Variants in MAP2K1 observed in about 807,000 individuals in gnomAD.
MAP2K1 encodes the protein mitogen-activated protein kinase kinase 1, also known as dual specificity mitogen-activated protein kinase kinase 1.
MAP2K1 carries 16 observed loss-of-function variants against 46.3 expected under a neutral mutation model. The ratio of observed to expected loss-of-function variants is 0.35; its 90% CI spans 0.23 to 0.52. The LOEUF is 0.52. Ranked by LOEUF, MAP2K1 falls within the 20% of genes least tolerant of loss-of-function variation. The probability of loss-of-function intolerance (pLI) is 0.94; values close to 1 mark genes in which losing one functional copy is unlikely to be tolerated. For missense variants in MAP2K1, 263 were observed against 497.1 expected, an observed-to-expected ratio of 0.53 and a Z score of 4.48; for synonymous variants, 183 against 185.6, an observed-to-expected ratio of 0.99 and a Z score of 0.11.
intron 1 of MAP2K1, among the ~76,000 whole-genome samples, chr15:66,416,027 A>G (rs2093423834): frequency 6.6e-6 from 1 of 152,162 alleles, no homozygotes; most frequent in Non-Finnish European, 1.5e-5. Flanking sequence ...ATTCTTTAGC[A>G]TGGTGTGCTG....
At chr15:66,416,427 A>G (rs1013052075) in intron 1 of MAP2K1, among the ~76,000 whole-genome samples, 5 of 151,408 alleles carry the variant, frequency 3.3e-5, no homozygotes, top group African/African-American at 9.7e-5. Context: ...TGTTGTCTTC[A>G]TAGCCTAGCC....
At chr15:66,427,928 C>T (rs984417337) in intron 1 of MAP2K1, among the ~76,000 whole-genome samples, 3 of 151,950 alleles carry the variant, frequency 2.0e-5, no homozygotes, top group African/African-American at 4.8e-5. Context: ...GCAGGAGAAT[C>T]GTTTGAACCC....
chr15:66,464,914 A>G (rs1237202466), intron 5 of MAP2K1, among the ~76,000 whole-genome samples: 1 of 151,870 alleles, frequency 6.6e-6, no homozygotes, highest in Non-Finnish European at 1.5e-5. Flanking sequence ...AAAACTAGGT[A>G]AGACTAGAAT....
At chr15:66,457,759 C>T (rs1184069049) in intron 5 of MAP2K1, among the ~76,000 whole-genome samples, 7 of 151,802 alleles carry the variant, frequency 4.6e-5, no homozygotes, top group African/African-American at 7.3e-5. Context: ...GTCAGGGGTT[C>T]GAGACCAGCC....
chr15:66,449,024 A>T, intron 5 of MAP2K1, among the ~76,000 whole-genome samples: 1 of 150,918 alleles, frequency 6.6e-6, no homozygotes, highest in East Asian at 1.9e-4. Flanking sequence ...AAAAAAAAAA[A>T]AAAACAACAA....
chr15:66,414,417 G>T (rs538946493), intron 1 of MAP2K1, among the ~76,000 whole-genome samples: 2 of 152,298 alleles, frequency 1.3e-5, no homozygotes, highest in African/African-American at 2.4e-5. Flanking sequence ...ATAGCAAAAA[G>T]GGTACAAATC....
intron 1 of MAP2K1, among the ~76,000 whole-genome samples, chr15:66,389,378 C>A (rs989451870): frequency 6.6e-6 from 1 of 152,156 alleles, no homozygotes; most frequent in Non-Finnish European, 1.5e-5. Flanking sequence ...TGTTATCATT[C>A]TGTTGTAATC....
At chr15:66,464,511 T>C (rs1013492073) in intron 5 of MAP2K1, among the ~76,000 whole-genome samples, 1 of 147,954 alleles carries the variant, frequency 6.8e-6, no homozygotes, top group Admixed American at 6.7e-5. Flanking sequence ...GGAAAAGAAA[T>C]TGAAAACATT....
intron 1 of MAP2K1, among the ~76,000 whole-genome samples, chr15:66,408,717 C>G (rs2093403975): frequency 6.6e-6 from 1 of 152,052 alleles, no homozygotes; most frequent in Non-Finnish European, 1.5e-5. Flanking sequence ...GGGTCCTGGC[C>G]TCTGCTCATA....
chr15:66,434,709 G>T (rs550303917), intron 1 of MAP2K1, among the ~76,000 whole-genome samples: 3 of 152,302 alleles, frequency 2.0e-5, no homozygotes, highest in Admixed American at 2.0e-4. Context: ...AGCAAATTAA[G>T]GTGGCTCATT....
At chr15:66,445,158 G>GGA (rs998979765) in intron 5 of MAP2K1, among the ~76,000 whole-genome samples, 2 of 42,868 alleles carry the variant, frequency 4.7e-5, no homozygotes, top group African/African-American at 9.3e-5. Context: ...GGGGGGAGGT[G>GGA]GGGGGGTGGA....
intron 1 of MAP2K1, among the ~76,000 whole-genome samples, chr15:66,419,173 C>T (rs756899105): frequency 6.6e-6 from 1 of 151,358 alleles, no homozygotes; most frequent in Non-Finnish European, 1.5e-5. Context: ...TCCCCCCTCT[C>T]CCTCCAAACT....
In MAP2K1 at chr15:66,391,999, G is replaced by T. The variant is rs1449184254; in HGVS notation, c.80+4572G>T. 3.3e-5 allele frequency among the ~76,000 whole-genome samples: 5 copies of T among 152,224 alleles called. No individual in the cohort carries two copies. In the East Asian group the frequency reaches 9.6e-4, roughly 29 times the overall value. On this transcript the variant is annotated intron_variant, in intron 1 of 10. Coordinates refer to ENST00000307102, the MANE Select transcript of MAP2K1 (RefSeq NM_002755.4). ...AGTAATTTAACACACTTTCAGGTCAGTGGGAGGCTCTGTAGATTGGAGTCC... is the reference window on the plus strand; with the variant it reads ...AGTAATTTAACACACTTTCAGGTCATTGGGAGGCTCTGTAGATTGGAGTCC...
chr15:66,392,590 G>A (rs1032050740), intron 1 of MAP2K1, among the ~76,000 whole-genome samples: 1 of 115,248 alleles, frequency 8.7e-6, no homozygotes, highest in South Asian at 2.6e-4. Context: ...TTTTGCTCTT[G>A]TTGCCCAGGC....
At position 66,444,645 on chromosome 15, in the gene MAP2K1, C is replaced by T. The variant is rs2140601733; in HGVS notation, c.517-11C>T. 6.3e-7 allele frequency: 1 copy of T among 1,592,888 alleles called. No individual in the cohort carries two copies. Among genetic ancestry groups the T allele is most frequent in the East Asian group, 2.2e-5 (1 of 44,746 alleles). ...AGTATTTTCTTTTCTTTTACATTCC[C>T]TTTCCTCTAGGTAATAAAAGGCCTG... is the stretch of plus-strand genomic sequence containing the variant. On this transcript the variant is annotated splice_polypyrimidine_tract_variant and intron_variant, in intron 4 of 10. Coordinates refer to ENST00000307102, the MANE Select transcript of MAP2K1 (RefSeq NM_002755.4).
intron 2 of MAP2K1, 103 bp from the exon 3 acceptor site, chr15:66,436,643 C>T: frequency 5.2e-6 from 6 of 1,146,980 alleles, no homozygotes; most frequent in Non-Finnish European, 7.9e-6. Flanking sequence ...CCTGTTTCTC[C>T]TCCCTCTACC....
chr15:66,484,788 G>T (rs985744965), intron 6 of MAP2K1, among the ~76,000 whole-genome samples: 5 of 152,208 alleles, frequency 3.3e-5, no homozygotes, highest in Non-Finnish European at 5.9e-5. Flanking sequence ...AATAGAGCAG[G>T]GATGAGGGGT....
chr15:66,396,819 T>C (rs1247406552), intron 1 of MAP2K1, among the ~76,000 whole-genome samples: 1 of 146,462 alleles, frequency 6.8e-6, no homozygotes, highest in Non-Finnish European at 1.5e-5. Flanking sequence ...CAAGTAGCTA[T>C]GATTATAGGC....
At chr15:66,439,119 G>T (rs2093496756) in intron 3 of MAP2K1, among the ~76,000 whole-genome samples, 2 of 152,184 alleles carry the variant, frequency 1.3e-5, no homozygotes, top group Non-Finnish European at 2.9e-5. Context: ...GAAAGGCCCT[G>T]CCCTGGCTTC....
Sources: allele counts gnomAD v4.1 joint callset (sites outside exome capture counted in the v4.1 genomes callset), GRCh38; gene constraint gnomAD v4.1.1; transcripts MANE v1.5; gene names NCBI Gene and HGNC (gene_info 2026-07-23, HGNC 2026-07-21).